Variants in EEA1 observed in about 807,000 individuals in gnomAD.
EEA1 encodes the protein early endosome antigen 1, also known as early endosome antigen 1, 162kD.
EEA1 carries 111 observed loss-of-function variants against 209.2 expected under a neutral mutation model. That is an observed-to-expected ratio of 0.53 (90% confidence interval 0.45 to 0.62). EEA1 has a LOEUF of 0.62. Ranked by LOEUF, EEA1 falls within the 20% of genes least tolerant of loss-of-function variation. The pLI is 0.00. For missense variants in EEA1, 1,343 were observed against 1,530.8 expected (o/e 0.88, Z 2.05); for synonymous variants, 536 against 540.6 (o/e 0.99, Z 0.12).
intron 1 of EEA1, among the ~76,000 whole-genome samples, chr12:92,922,102 A>G (rs1309271874): frequency 6.6e-6 from 1 of 151,980 alleles, no homozygotes; most frequent in African/African-American, 2.4e-5. Context: ...ATTTGACTCA[A>G]CTTCTCTTCA....
chr12:92,773,448 G>A lies in EEA1; in HGVS notation c.*2563C>T, dbSNP rs1228954961. 6.6e-6 allele frequency: 1 copy of A among 152,030 alleles called. No individual in the cohort carries two copies. The highest frequency in any genetic ancestry group is 1.5e-5 in the Non-Finnish European group (1 of 67,644). The allele number at this position is 152,030 out of a possible 1,614,324, so 9.4% of individuals were successfully genotyped here. On this transcript the variant is annotated 3_prime_UTR_variant, in exon 29 of 29. Coordinates refer to ENST00000322349, the MANE Select transcript of EEA1 (RefSeq NM_003566.4). ...ACACTGCATTGAGGTTTTTGTGTTT[G>A]TTTCCCTCATTTTTTCTTCAAAGGA...
chr12:92,867,151 C>T lies in EEA1; in HGVS notation c.118-2164G>A, dbSNP rs549891766. Reference sequence around the variant, plus strand: ...ATACAAGGTTCTGCATAACCATTCCCCTAACAACCTATGCAGTCTGATCTC... The same window carrying T: ...ATACAAGGTTCTGCATAACCATTCCTCTAACAACCTATGCAGTCTGATCTC... On this transcript the variant is annotated intron_variant, in intron 2 of 28. Coordinates refer to ENST00000322349, the MANE Select transcript of EEA1 (RefSeq NM_003566.4). Among the ~76,000 whole-genome samples the T allele has an allele frequency of 2.0e-5, 3 of 152,286 alleles. No individual in the cohort carries two copies. The East Asian group carries it at 5.8e-4, about 29-fold the overall frequency.
chr12:92,788,695 T>A (rs747061611), intron 21 of EEA1, among the ~76,000 whole-genome samples: 26 of 152,172 alleles, frequency 1.7e-4, no homozygotes, highest in Non-Finnish European at 3.1e-4. Flanking sequence ...CTACCTTCAA[T>A]AAAATTGCTG....
intron 10 of EEA1, among the ~76,000 whole-genome samples, chr12:92,839,980 T>C (rs1327815301): frequency 1.3e-5 from 2 of 152,202 alleles, no homozygotes; most frequent in African/African-American, 4.8e-5. Context: ...CATGAGGTTA[T>C]AGTAAGCTGC....
At chr12:92,911,369 G>A (rs569180465) in intron 1 of EEA1, among the ~76,000 whole-genome samples, 1 of 152,292 alleles carries the variant, frequency 6.6e-6, no homozygotes, top group South Asian at 2.1e-4. Context: ...GAAATACAAA[G>A]TGAAAGGAGC....
chr12:92,892,841 G>T (rs1346055295), intron 1 of EEA1, among the ~76,000 whole-genome samples: 1 of 152,060 alleles, frequency 6.6e-6, no homozygotes, highest in Non-Finnish European at 1.5e-5. Flanking sequence ...TGTTGGCCAG[G>T]CTGTTCTCGA....
At chr12:92,901,572 T>G (rs537140510) in intron 1 of EEA1, among the ~76,000 whole-genome samples, 8 of 143,380 alleles carry the variant, frequency 5.6e-5, no homozygotes, top group African/African-American at 7.6e-5. Context: ...GAACTTCTTG[T>G]TTTTTTTTTT....
At position 92,774,717 on chromosome 12, in the gene EEA1, G is replaced by A. The variant is rs1873582152; in HGVS notation, c.*1294C>T. The stretch of plus-strand genomic sequence containing the variant: ...GGGATTCCTAAATACATTTGTTTTT[G>A]GTGATACTCTATTTCTAGGTGTTAG... On this transcript the variant is annotated 3_prime_UTR_variant, in exon 29 of 29. Transcript: ENST00000322349. 1 of 151,454 alleles carries A rather than the reference G, an allele frequency of 6.6e-6. No homozygotes were observed. The highest frequency in any genetic ancestry group is 1.5e-5 in the Non-Finnish European group (1 of 67,580). The allele number at this position is 151,454 out of a possible 1,614,324, so 9.4% of individuals were successfully genotyped here.
At chr12:92,923,673 T>C (rs1274972179) in intron 1 of EEA1, among the ~76,000 whole-genome samples, 2 of 152,100 alleles carry the variant, frequency 1.3e-5, no homozygotes, top group African/African-American at 4.8e-5. Context: ...TCTGTGTATC[T>C]ATTACACTTA....
intron 2 of EEA1, chr12:92,883,972 G>A (rs1005598676): frequency 2.1e-6 from 3 of 1,427,866 alleles, no homozygotes; most frequent in Admixed American, 1.7e-5. Context: ...CACTGTGGAG[G>A]AGGTGGATGC....
chr12:92,844,402 T>C (rs1263965467), intron 9 of EEA1, among the ~76,000 whole-genome samples: 1 of 152,150 alleles, frequency 6.6e-6, no homozygotes, highest in East Asian at 1.9e-4. Context: ...AACATTACCA[T>C]ATTGTTACAC....
At chr12:92,878,102 C>T (rs937374597) in intron 2 of EEA1, among the ~76,000 whole-genome samples, 2 of 151,980 alleles carry the variant, frequency 1.3e-5, no homozygotes, top group Non-Finnish European at 2.9e-5. Context: ...CCAGCAGAAA[C>T]AGAAAGAAGA....
At chr12:92,904,272 G>A (rs913049475) in intron 1 of EEA1, among the ~76,000 whole-genome samples, 7 of 152,024 alleles carry the variant, frequency 4.6e-5, no homozygotes, top group Non-Finnish European at 8.8e-5. Flanking sequence ...AAAGTTTTCC[G>A]ATTTTTAAAA....
intron 13 of EEA1, among the ~76,000 whole-genome samples, chr12:92,824,818 A>G (rs1565823098): frequency 6.6e-6 from 1 of 152,190 alleles, no homozygotes; most frequent in East Asian, 1.9e-4. Context: ...TCTCTCACTA[A>G]GCTCCATGAG....
At chr12:92,850,967 A>C (rs1877602283) in intron 9 of EEA1, 144 bp downstream of exon 9, 1 of 750,756 alleles carries the variant, frequency 1.3e-6, no homozygotes, top group African/African-American at 1.8e-5. Flanking sequence ...ATTGACTATA[A>C]ACAAATATTA....
chr12:92,906,483 G>A (rs924763317), intron 1 of EEA1, among the ~76,000 whole-genome samples: 12 of 152,060 alleles, frequency 7.9e-5, no homozygotes, highest in Non-Finnish European at 1.2e-4. Flanking sequence ...AAAACCTTGG[G>A]GATTTATAAG....
At chr12:92,854,231 A>G (rs1346695153) in intron 5 of EEA1, among the ~76,000 whole-genome samples, 1 of 152,210 alleles carries the variant, frequency 6.6e-6, no homozygotes, top group Non-Finnish European at 1.5e-5. Flanking sequence ...AATTCCATGA[A>G]TTCAGTAATA....
At chr12:92,886,884 G>A (rs1879432129) in intron 2 of EEA1, among the ~76,000 whole-genome samples, 1 of 151,924 alleles carries the variant, frequency 6.6e-6, no homozygotes, top group Non-Finnish European at 1.5e-5. Context: ...TGTAGTCCCA[G>A]CTACTCGGGA....
rs575305474 is a variant in EEA1, at chr12:92,846,517, T to C, written c.799-3936A>G. 8.9e-4 allele frequency among the ~76,000 whole-genome samples: 136 copies of C among 152,318 alleles called. 1 individual carries two copies. The highest frequency in any genetic ancestry group is 1.7e-3 in the Non-Finnish European group (115 of 68,012). On this transcript the variant is annotated intron_variant, in intron 9 of 28. Transcript: ENST00000322349. The stretch of plus-strand genomic sequence containing the variant: ...ACTTAAAACTGGGATTCAATGAGTT[T>C]ATTTGGAAAAAAGTAAAATTCTTTA...
Sources: gnomAD v4.1 joint callset for allele counts (sites outside exome capture counted in the v4.1 genomes callset) on GRCh38, gnomAD v4.1.1 for gene constraint, MANE v1.5 for transcripts, NCBI Gene and HGNC (gene_info 2026-07-23, HGNC 2026-07-21) for gene names.